The following CLSTN1 variants were observed in gnomAD, a reference collection of about 807,000 sequenced individuals.
CLSTN1 encodes calsyntenin-1.
In CLSTN1, 28 loss-of-function variants were observed where a neutral mutation model predicts 108.3. That is an observed-to-expected ratio of 0.26 (90% confidence interval 0.19 to 0.35). The LOEUF (loss-of-function observed/expected upper bound fraction) is 0.35, where lower values mean the gene tolerates loss of function less well. CLSTN1 is among the 10% of genes least tolerant of loss of function. The pLI, the probability that CLSTN1 is intolerant of heterozygous loss-of-function variation, is 1.00. For missense variants in CLSTN1, 1,157 were observed against 1,302.6 expected, an observed-to-expected ratio of 0.89 and a Z score of 1.72; for synonymous variants, 524 against 534.9, an observed-to-expected ratio of 0.98 and a Z score of 0.28.
intron 1 of CLSTN1, among the ~76,000 whole-genome samples, chr1:9,809,234 AG>A (rs1457816237): frequency 2.0e-5 from 3 of 152,170 alleles, no homozygotes; most frequent in Non-Finnish European, 4.4e-5. Context: ...ACAGCCCATC[AG>A]ACACACACCC....
In CLSTN1 at chr1:9,730,737, C is replaced by T. The variant is rs754909044; in HGVS notation, c.2749-32G>A. 284 of 1,554,176 alleles carry T rather than the reference C, an allele frequency of 1.8e-4. No individual in the cohort carries two copies. The highest frequency in any genetic ancestry group is 2.3e-4 in the Non-Finnish European group (267 of 1,150,266). On this transcript the variant is annotated intron_variant, in intron 18 of 18. Transcript: ENST00000377298. The surrounding 1 kb of genome is among the most constrained non-coding windows in gnomAD (Gnocchi z 5.6). ...AGGAGAAGTGACGGCCACATGAGTCCGGCCCTGCCCACAGCCCCGTCACCT... is the reference window on the plus strand; with the variant it reads ...AGGAGAAGTGACGGCCACATGAGTCTGGCCCTGCCCACAGCCCCGTCACCT...
intron 16 of CLSTN1, among the ~76,000 whole-genome samples, chr1:9,732,840 C>T (rs1650479345): frequency 6.6e-6 from 1 of 152,202 alleles, no homozygotes; most frequent in Non-Finnish European, 1.5e-5. Context: ...ACAGGAGGGC[C>T]AGTGACCTGG....
rs70998307 is a variant in CLSTN1 at position 9,764,637 on chromosome 1, TAAAAAAAAAAA to T, written c.215-8138_215-8128del. On this transcript the variant is annotated intron_variant, in intron 2 of 18. Transcript: ENST00000377298. The stretch of plus-strand genomic sequence containing the variant: ...GGGTGATGAAGTGAGGCTCCATCTT[TAAAAAAAAAAA>T]AAAAAAAAAAAAAAAAGTTTCCACA... Among the ~76,000 whole-genome samples, 691 of 82,356 alleles carry T rather than the reference TAAAAAAAAAAA, an allele frequency of 8.4e-3. 5 individuals carry two copies. Among genetic ancestry groups the T allele is most frequent in the African/African-American group, 0.029 (612 of 21,126 alleles). 54.0% of individuals were successfully genotyped at this position (82,356 alleles called of 152,430 possible).
intron 2 of CLSTN1, among the ~76,000 whole-genome samples, chr1:9,770,043 AAG>A (rs1335632167): frequency 6.6e-5 from 10 of 151,672 alleles, no homozygotes; most frequent in Non-Finnish European, 1.3e-4. Context: ...AAAAAAAAAA[AAG>A]GGTGATTTTT....
intron 7 of CLSTN1, among the ~76,000 whole-genome samples, chr1:9,746,325 T>C (rs2101099516): frequency 6.6e-6 from 1 of 152,328 alleles, no homozygotes; most frequent in South Asian, 2.1e-4. Flanking sequence ...CAGGAAAAGA[T>C]TTTGCAAGCT....
chr1:9,779,772 A>C (rs932587017), intron 1 of CLSTN1, among the ~76,000 whole-genome samples: 3 of 152,072 alleles, frequency 2.0e-5, no homozygotes, highest in Non-Finnish European at 2.9e-5. Flanking sequence ...GGCTGGAAGA[A>C]GCTTAGAGTT....
At chr1:9,814,178 G>A (rs1654880592) in intron 1 of CLSTN1, among the ~76,000 whole-genome samples, 1 of 151,620 alleles carries the variant, frequency 6.6e-6, no homozygotes, top group African/African-American at 2.4e-5. Flanking sequence ...GGGAGGCTGA[G>A]GCAGGGAGAT....
At chr1:9,764,339 T>C (rs776366027) in intron 2 of CLSTN1, among the ~76,000 whole-genome samples, 1 of 150,004 alleles carries the variant, frequency 6.7e-6, no homozygotes, top group Non-Finnish European at 1.5e-5. Context: ...CCTCCAACAA[T>C]GGGATCAAGT....
At chr1:9,771,717 T>C (rs1373246430) in intron 2 of CLSTN1, among the ~76,000 whole-genome samples, 1 of 152,190 alleles carries the variant, frequency 6.6e-6, no homozygotes, top group African/African-American at 2.4e-5. Flanking sequence ...TACTGTCCTT[T>C]TCATCAGAAT....
In CLSTN1 at chr1:9,792,434, C is replaced by G. The variant is rs553768184; in HGVS notation, c.92-19040G>C. On this transcript the variant is annotated intron_variant, in intron 1 of 18. Transcript: ENST00000377298. ...ATTTCCAGCAGCAAAGGCTTTAGCA[C>G]AATCCTTCCAGAAGTTCCAAAGCTG... is the stretch of plus-strand genomic sequence containing the variant. Among the ~76,000 whole-genome samples the G allele has an allele frequency of 8.8e-4, 134 of 151,538 alleles. 1 individual carries two copies. The highest frequency in any genetic ancestry group is 3.2e-3 in the African/African-American group (131 of 41,536).
chr1:9,736,785 G>A (rs562181038), intron 11 of CLSTN1, among the ~76,000 whole-genome samples: 9 of 152,260 alleles, frequency 5.9e-5, no homozygotes, highest in African/African-American at 2.2e-4. Context: ...TCTAAGAAAC[G>A]GCTATTTGCC....
chr1:9,774,297 G>A (rs556069603), intron 1 of CLSTN1, among the ~76,000 whole-genome samples: 3 of 152,198 alleles, frequency 2.0e-5, no homozygotes, highest in East Asian at 3.9e-4. Flanking sequence ...CGGGCGTGGT[G>A]GCTCACGCCT....
At position 9,729,263 on chromosome 1, in the gene CLSTN1, T is replaced by C. The variant is rs972706473; in HGVS notation, c.*1245A>G. The C allele has an allele frequency of 6.6e-6, 1 of 152,628 alleles. No homozygotes were observed. Among genetic ancestry groups the C allele is most frequent in the Admixed American group, 6.5e-5 (1 of 15,302 alleles). 9.5% of individuals were successfully genotyped at this position (152,628 alleles called of 1,614,324 possible). A position where few individuals can be genotyped will look rare whatever the true frequency, so the allele number is the denominator to read the frequency against. Reference sequence around the variant, plus strand: ...GGTCACAGAACAGTATTCAAAATGATTGCCCACCTGTTTTAGAAATCTAAA... The same window carrying C: ...GGTCACAGAACAGTATTCAAAATGACTGCCCACCTGTTTTAGAAATCTAAA... On this transcript the variant is annotated 3_prime_UTR_variant, in exon 19 of 19. Coordinates refer to ENST00000377298, the MANE Select transcript of CLSTN1 (RefSeq NM_001009566.3).
intron 1 of CLSTN1, among the ~76,000 whole-genome samples, chr1:9,787,946 CT>C (rs1653571944): frequency 6.6e-6 from 1 of 151,360 alleles, no homozygotes. Context: ...TATTTTCTGT[CT>C]CTGTGAATTT....
intron 1 of CLSTN1, among the ~76,000 whole-genome samples, chr1:9,804,847 G>T (rs533686200): frequency 6.6e-6 from 1 of 151,448 alleles, no homozygotes; most frequent in African/African-American, 2.4e-5. Flanking sequence ...AAGAAAGGCC[G>T]GGCACAGTGG....
chr1:9,790,480 A>C (rs934321063), intron 1 of CLSTN1, among the ~76,000 whole-genome samples: 2 of 151,424 alleles, frequency 1.3e-5, no homozygotes, highest in African/African-American at 2.4e-5. Flanking sequence ...ACTAGATCCT[A>C]TACGGTCATG....
intron 1 of CLSTN1, among the ~76,000 whole-genome samples, chr1:9,811,220 G>A (rs868421323): frequency 3.9e-5 from 6 of 152,286 alleles, no homozygotes; most frequent in Middle Eastern, 3.4e-3. Flanking sequence ...ATGTTATGAA[G>A]CTATCCCAGT....
intron 1 of CLSTN1, among the ~76,000 whole-genome samples, chr1:9,784,704 C>T (rs146837777): frequency 6.6e-6 from 1 of 152,270 alleles, no homozygotes; most frequent in South Asian, 2.1e-4. Context: ...ATCATAAGAA[C>T]CTGCAATTAA....
chr1:9,774,169 C>T (rs962520904), intron 1 of CLSTN1, among the ~76,000 whole-genome samples: 4 of 151,884 alleles, frequency 2.6e-5, no homozygotes, highest in African/African-American at 2.4e-5. Flanking sequence ...ATTTGTATTA[C>T]AAATAATAAT....
Sources: gnomAD v4.1 joint callset for allele counts (sites outside exome capture counted in the v4.1 genomes callset) on GRCh38, gnomAD v4.1.1 for gene constraint, Gnocchi (gnomAD v3.1) non-coding constraint, MANE v1.5 for transcripts, NCBI Gene and HGNC (gene_info 2026-07-23, HGNC 2026-07-21) for gene names.